FAM13A: variants seen among roughly 807,000 people sequenced by gnomAD.
FAM13A encodes protein FAM13A.
In FAM13A, 76 loss-of-function variants were observed where a neutral mutation model predicts 129.6. The observed-to-expected ratio is 0.59, with a 90% confidence interval of 0.49 to 0.71. FAM13A has a LOEUF of 0.71. Among genes scored for constraint, FAM13A ranks in the 30% least tolerant of loss-of-function variants. The pLI, the probability that FAM13A is intolerant of heterozygous loss-of-function variation, is 0.00. For missense variants in FAM13A, 1,108 were observed against 1,249.3 expected, an observed-to-expected ratio of 0.89 and a Z score of 1.70; for synonymous variants, 443 against 449.9, an observed-to-expected ratio of 0.98 and a Z score of 0.20.
At chr4:88,891,562 G>C (rs962895791) in intron 6 of FAM13A, among the ~76,000 whole-genome samples, 1 of 152,094 alleles carries the variant, frequency 6.6e-6, no homozygotes, top group Non-Finnish European at 1.5e-5. Flanking sequence ...CAAAAAATCA[G>C]CTACTCAAAA....
At chr4:88,909,949 T>C (rs1403549511) in intron 5 of FAM13A, among the ~76,000 whole-genome samples, 1 of 152,228 alleles carries the variant, frequency 6.6e-6, no homozygotes, top group African/African-American at 2.4e-5. Context: ...GTAAAGAACG[T>C]TCCCACATTC....
intron 7 of FAM13A, chr4:88,822,883 G>A: frequency 6.5e-7 from 1 of 1,549,494 alleles, no homozygotes; most frequent in Non-Finnish European, 8.7e-7. Context: ...TTTGCAGCAT[G>A]TTACTAAAAG....
chr4:88,972,671 G>C (rs1428485270), intron 4 of FAM13A, among the ~76,000 whole-genome samples: 1 of 151,804 alleles, frequency 6.6e-6, no homozygotes, highest in African/African-American at 2.4e-5. Context: ...GCAGTGGTGT[G>C]ATCTTGGCTC....
intron 6 of FAM13A, among the ~76,000 whole-genome samples, chr4:88,906,010 G>A (rs1449304962): frequency 1.3e-5 from 2 of 152,168 alleles, no homozygotes; most frequent in African/African-American, 2.4e-5. Context: ...CATGCTGGCC[G>A]GGCATGGTGG....
intron 6 of FAM13A, chr4:88,855,324 A>T (rs968613015): frequency 6.6e-6 from 1 of 152,196 alleles, no homozygotes; most frequent in Admixed American, 6.5e-5. Context: ...GAAAAAAATC[A>T]AATTTGAGGA....
intron 8 of FAM13A, among the ~76,000 whole-genome samples, chr4:88,793,269 C>T (rs1032273780): frequency 6.6e-6 from 1 of 151,904 alleles, no homozygotes; most frequent in Non-Finnish European, 1.5e-5. Context: ...GTCAACACAT[C>T]GAAATTTCTC....
chr4:89,033,637 G>A (rs1768990025), intron 1 of FAM13A, among the ~76,000 whole-genome samples: 1 of 152,160 alleles, frequency 6.6e-6, no homozygotes, highest in Non-Finnish European at 1.5e-5. Context: ...ACAAAGTAAG[G>A]TATGTTCAGA....
intron 18 of FAM13A, among the ~76,000 whole-genome samples, chr4:88,747,412 A>G (rs1305831328): frequency 1.3e-5 from 2 of 152,224 alleles, no homozygotes; most frequent in East Asian, 3.8e-4. Context: ...TCATTCTGTA[A>G]TCTATACAAT....
At chr4:88,873,873 T>C (rs1187844090) in intron 6 of FAM13A, among the ~76,000 whole-genome samples, 10 of 152,082 alleles carry the variant, frequency 6.6e-5, no homozygotes, top group Non-Finnish European at 1.2e-4. Context: ...TGATGAACAT[T>C]GATGCAAAAA....
chr4:88,767,586 A>C lies in FAM13A; in HGVS notation c.1545T>G (p.Asn515Lys). Residue 515 changes from asparagine (N) to lysine (K), a missense_variant, in exon 13 of 24, where the codon AAT becomes AAG. Physicochemically the swap from Asn to Lys is moderately conservative, Grantham distance 94. Coordinates refer to ENST00000264344, the MANE Select transcript of FAM13A (RefSeq NM_014883.4). The stretch of plus-strand genomic sequence containing the variant: ...GCTGAGTGTGTCCACCATCTTTTTC[A>C]TTTCCTTTCCTATAAATAATGGCAA... ...FEWMSDERKG[N>K]EKDGGHTQHF... is the part of the protein sequence containing the mutation. 1 of 1,599,414 alleles carries C rather than the reference A, an allele frequency of 6.3e-7. No individual in the cohort carries two copies.
chr4:89,025,246 T>TTTTTTTG (rs1767789401), intron 2 of FAM13A, among the ~76,000 whole-genome samples: 27 of 24,722 alleles, frequency 1.1e-3, no homozygotes, highest in Non-Finnish European at 2.1e-4. Flanking sequence ...GGAATCATTG[T>TTTTTTTG]TTTTTTTTTT....
Position 88,851,143 on chromosome 4 carries a change from C to G in FAM13A, c.884G>C (p.Arg295Thr). The G allele has an allele frequency of 3.7e-6, 6 of 1,612,724 alleles. No homozygotes were observed. ...SRSEGSIQAHRVLQPELSDGI... is the reference protein window; with the variant it reads ...SRSEGSIQAHTVLQPELSDGI... The stretch of plus-strand genomic sequence containing the variant: ...ATCAGATAGCTCTGGTTGCAGTACT[C>G]TGTGGGCCTGAATAGATCCCTCACT... The change falls in exon 7 of 24, where the codon AGA becomes ACA. Residue 295 changes from arginine to threonine, a missense_variant. By Grantham distance (71) the Arg-to-Thr change is moderately conservative. Transcript: ENST00000264344.
intron 4 of FAM13A, among the ~76,000 whole-genome samples, chr4:88,969,870 C>CT (rs1283184724): frequency 2.0e-5 from 3 of 152,212 alleles, no homozygotes; most frequent in African/African-American, 7.2e-5. Flanking sequence ...CAGTCTAGTG[C>CT]TGAAGCCTAT....
intron 5 of FAM13A, among the ~76,000 whole-genome samples, chr4:88,935,231 C>A (rs1753659254): frequency 6.6e-6 from 1 of 152,212 alleles, no homozygotes; most frequent in Non-Finnish European, 1.5e-5. Flanking sequence ...ATACTCTGGT[C>A]AAAGTTCTTT....
intron 8 of FAM13A, among the ~76,000 whole-genome samples, chr4:88,798,592 T>C (rs1296644239): frequency 2.0e-5 from 3 of 152,212 alleles, no homozygotes; most frequent in African/African-American, 7.2e-5. Context: ...GCTATCTGTA[T>C]TGTTTAGTTG....
intron 1 of FAM13A, among the ~76,000 whole-genome samples, chr4:89,038,953 A>C (rs1022650280): frequency 6.6e-6 from 1 of 152,226 alleles, no homozygotes; most frequent in East Asian, 1.9e-4. Flanking sequence ...GGCTATAATC[A>C]CCTTAACTTG....
At chr4:88,920,366 G>T (rs188659767) in intron 5 of FAM13A, among the ~76,000 whole-genome samples, 15 of 152,128 alleles carry the variant, frequency 9.9e-5, no homozygotes, top group African/African-American at 3.6e-4. Flanking sequence ...TCAGAGGAAC[G>T]ATCAGACAGC....
intron 8 of FAM13A, among the ~76,000 whole-genome samples, chr4:88,798,845 C>T (rs550441740): frequency 2.2e-4 from 33 of 152,084 alleles, no homozygotes; most frequent in African/African-American, 7.7e-4. Context: ...GGGAAGTCCA[C>T]AGAGAGGCAG....
chr4:89,026,573 G>A (rs985590814), intron 2 of FAM13A, among the ~76,000 whole-genome samples: 1 of 152,216 alleles, frequency 6.6e-6, no homozygotes, highest in Non-Finnish European at 1.5e-5. Flanking sequence ...AATCATGGCA[G>A]AAGGCAAAGG....
Sources: gnomAD v4.1 joint callset for allele counts (sites outside exome capture counted in the v4.1 genomes callset) on GRCh38, gnomAD v4.1.1 for gene constraint, MANE v1.5 for transcripts, NCBI Gene and HGNC (gene_info 2026-07-23, HGNC 2026-07-21) for gene names.